CORO2B: variants seen among roughly 807,000 people sequenced by gnomAD.
CORO2B encodes the protein coronin 2B, also known as coronin-2B.
Under a neutral mutation model 58.8 loss-of-function variants are expected in CORO2B, and 26 were observed. The ratio of observed to expected loss-of-function variants is 0.44; its 90% CI spans 0.32 to 0.61. The LOEUF is 0.61. CORO2B is among the 20% of genes least tolerant of loss of function. The pLI is 0.04. For missense variants in CORO2B, 460 were observed against 645.1 expected (o/e 0.71, Z 3.11); for synonymous variants, 242 against 253.8 (o/e 0.95, Z 0.44).
chr15:68,590,752 G>C (rs575577728), intron 1 of CORO2B, among the ~76,000 whole-genome samples: 89 of 152,320 alleles, frequency 5.8e-4, no homozygotes, highest in African/African-American at 2.1e-3. Flanking sequence ...GAAAACACTA[G>C]AGTAGGTGCA....
At chr15:68,668,183 C>G (rs1329605941) in intron 2 of CORO2B, among the ~76,000 whole-genome samples, 1 of 152,202 alleles carries the variant, frequency 6.6e-6, no homozygotes, top group Non-Finnish European at 1.5e-5. Context: ...TAGCACCATG[C>G]CTGACACACA....
the CORO2B span, among the ~76,000 whole-genome samples, chr15:68,522,930 A>G: frequency 6.6e-6 from 1 of 152,300 alleles, no homozygotes; most frequent in African/African-American, 2.4e-5. Context: ...ATATTAAAAC[A>G]TGTGGAGACT....
intron 2 of CORO2B, among the ~76,000 whole-genome samples, chr15:68,662,455 G>T (rs922650757): frequency 3.9e-5 from 6 of 152,144 alleles, no homozygotes; most frequent in Non-Finnish European, 8.8e-5. Flanking sequence ...CCTTAAGCTG[G>T]ATTCATTTAT....
rs138252702 is a variant in CORO2B at position 68,681,486 on chromosome 15, G to A, written c.217-13654G>A. Among the ~76,000 whole-genome samples the A allele has an allele frequency of 9.1e-3, 1,385 of 152,274 alleles. 12 individuals carry two copies. The highest frequency in any genetic ancestry group is 0.014 in the South Asian group (67 of 4,826). On this transcript the variant is annotated intron_variant, in intron 2 of 11. Transcript: ENST00000261861. Reference sequence around the variant, plus strand: ...AGAGAAGTTCTGTGTTTCTGTCAGAGAAGAAGTCTGGGAAAAGGTGGTCAT... The same window carrying A: ...AGAGAAGTTCTGTGTTTCTGTCAGAAAAGAAGTCTGGGAAAAGGTGGTCAT...
the CORO2B span, among the ~76,000 whole-genome samples, chr15:68,554,806 CAG>C: frequency 2.0e-5 from 3 of 152,180 alleles, no homozygotes; most frequent in African/African-American, 7.2e-5. Flanking sequence ...GGCTCCTTCC[CAG>C]AGAGTCAAAC....
At chr15:68,668,708 C>A (rs1279807699) in intron 2 of CORO2B, among the ~76,000 whole-genome samples, 1 of 152,118 alleles carries the variant, frequency 6.6e-6, no homozygotes, top group Admixed American at 6.5e-5. Context: ...TGTGGGAAGC[C>A]ATTGGAGGGT....
chr15:68,590,682 C>G (rs923329370), intron 1 of CORO2B, among the ~76,000 whole-genome samples: 2 of 152,186 alleles, frequency 1.3e-5, no homozygotes, highest in East Asian at 3.9e-4. Flanking sequence ...ATACAAGTCC[C>G]CCTGAGGGGG....
intron 11 of CORO2B, 75 bp downstream of exon 11, chr15:68,719,627 C>G: frequency 6.7e-7 from 1 of 1,487,280 alleles, no homozygotes; most frequent in Non-Finnish European, 9.0e-7. Context: ...GGGCTTCAGG[C>G]CTTTAAGCCA....
chr15:68,569,644 G>A, the CORO2B span, among the ~76,000 whole-genome samples: 2 of 152,110 alleles, frequency 1.3e-5, no homozygotes, highest in African/African-American at 4.8e-5. Flanking sequence ...AACTCCTCTG[G>A]GTAAACTCCA....
chr15:68,531,555 G>GGAAGGAAGGAAGGAAAGAAAGAAAGA, the CORO2B span, among the ~76,000 whole-genome samples: 2 of 77,798 alleles, frequency 2.6e-5, no homozygotes, highest in Non-Finnish European at 5.2e-5. Context: ...AAGGAAGGAA[G>GGAAGGAAGGAAGGAAAGAAAGAAAGA]GAAAGAAAGA....
chr15:68,612,403 G>A (rs1197894269), intron 1 of CORO2B, among the ~76,000 whole-genome samples: 1 of 152,122 alleles, frequency 6.6e-6, no homozygotes, highest in Non-Finnish European at 1.5e-5. Context: ...GGCAGAGAAA[G>A]GAGAGACAGA....
chr15:68,581,497 GC>G (rs1899423930), intron 1 of CORO2B, among the ~76,000 whole-genome samples: 6 of 152,152 alleles, frequency 3.9e-5, no homozygotes, highest in Admixed American at 3.9e-4. Context: ...TGAAGGCCTG[GC>G]CCCTAGTCCT....
Position 68,714,117 on chromosome 15 carries a change from C to G in CORO2B, c.765+76C>G, listed in dbSNP as rs1892979535. ...CTCGGAGGTCACTTCCTCAGAAAGT[C>G]AGGAGCCTGGGCCCGCACACCAGCT... is the stretch of plus-strand genomic sequence containing the variant. On this transcript the variant is annotated intron_variant, in intron 6 of 11. Coordinates refer to ENST00000261861, the MANE Select transcript of CORO2B (RefSeq NM_006091.5). The G allele has an allele frequency of 2.7e-5, 26 of 959,668 alleles. 1 individual carries two copies. The South Asian group carries it at 3.7e-4, about 14-fold the overall frequency. 59.4% of individuals were successfully genotyped at this position (959,668 alleles called of 1,614,324 possible).
intron 2 of CORO2B, among the ~76,000 whole-genome samples, chr15:68,671,109 G>A (rs61138113): frequency 0.095 from 14,450 of 152,118 alleles, 1,125 homozygotes; most frequent in African/African-American, 0.21. Flanking sequence ...GGAATACAAC[G>A]CAGCCGTGAA....
At chr15:68,580,262 C>T (rs777155464) in intron 1 of CORO2B, among the ~76,000 whole-genome samples, 8 of 152,240 alleles carry the variant, frequency 5.3e-5, no homozygotes, top group Non-Finnish European at 1.0e-4. Context: ...GCGGTGGCCT[C>T]GGGCTTGGCC....
Position 68,713,856 on chromosome 15 carries a change from A to C in CORO2B, c.649-69A>C. ...GACATGGGTGTATCTTTTCGGGACC[A>C]CCATTCATGCCACTGCAGAACCCAC... On this transcript the variant is annotated intron_variant, in intron 5 of 11. Transcript: ENST00000261861. The C allele has an allele frequency of 8.7e-6, 9 of 1,034,664 alleles. No individual in the cohort carries two copies. In the South Asian group the frequency reaches 1.2e-4, roughly 14 times the overall value. 64.1% of individuals were successfully genotyped at this position (1,034,664 alleles called of 1,614,324 possible).
chr15:68,716,590 G>C (rs1214705988), intron 8 of CORO2B, among the ~76,000 whole-genome samples: 1 of 152,234 alleles, frequency 6.6e-6, no homozygotes, highest in Non-Finnish European at 1.5e-5. Context: ...TGAGTTCTAG[G>C]CAGAGAGTCA....
At chr15:68,534,782 A>G in the CORO2B span, among the ~76,000 whole-genome samples, 2 of 152,334 alleles carry the variant, frequency 1.3e-5, no homozygotes, top group South Asian at 2.1e-4. Context: ...GGTAATTTAT[A>G]AAGAAAAAGA....
Position 68,723,280 on chromosome 15 carries a change from C to T in CORO2B, c.1312-2563C>T, listed in dbSNP as rs551656118. Among the ~76,000 whole-genome samples, 12 of 150,628 alleles carry T rather than the reference C, an allele frequency of 8.0e-5. No homozygotes were observed. The East Asian group carries it at 2.2e-3, about 28-fold the overall frequency. On this transcript the variant is annotated intron_variant, in intron 11 of 11. Coordinates refer to ENST00000261861, the MANE Select transcript of CORO2B (RefSeq NM_006091.5). ...GGGACTACAGGTACCCACCACCATGCCTGGTTAATTTTTGCATTTTTAGTA... is the reference window on the plus strand; with the variant it reads ...GGGACTACAGGTACCCACCACCATGTCTGGTTAATTTTTGCATTTTTAGTA...
Sources: allele counts gnomAD v4.1 joint callset (sites outside exome capture counted in the v4.1 genomes callset), GRCh38; gene constraint gnomAD v4.1.1; transcripts MANE v1.5; gene names NCBI Gene and HGNC (gene_info 2026-07-23, HGNC 2026-07-21).